Variants in CYP7B1 observed in about 807,000 individuals in gnomAD.
CYP7B1 encodes cytochrome P450 family 7 subfamily B member 1, also known as cytochrome P450 7B1.
In CYP7B1, 29 loss-of-function variants were observed where a neutral mutation model predicts 42.7. The ratio of observed to expected loss-of-function variants is 0.68; its 90% CI spans 0.51 to 0.93. The LOEUF is 0.93. Ranked by LOEUF, CYP7B1 falls within the 40% of genes least tolerant of loss-of-function variation. The pLI is 0.00. For missense variants in CYP7B1, 655 were observed against 600.5 expected, an observed-to-expected ratio of 1.09 and a Z score of -0.95; for synonymous variants, 235 against 218.2, an observed-to-expected ratio of 1.08 and a Z score of -0.68.
chr8:64,677,735 A>G (rs1177058976), intron 1 of CYP7B1, among the ~76,000 whole-genome samples: 1 of 113,890 alleles, frequency 8.8e-6, no homozygotes, highest in Non-Finnish European at 1.7e-5. Context: ...TTTTTTTTAC[A>G]TAGAAATGTA....
intron 1 of CYP7B1, among the ~76,000 whole-genome samples, chr8:64,719,349 A>G (rs1807204038): frequency 6.6e-6 from 1 of 152,208 alleles, no homozygotes; most frequent in African/African-American, 2.4e-5. Flanking sequence ...ATAAATCAGT[A>G]GTGAGTGCAG....
At chr8:64,690,468 G>T (rs1488706359) in intron 1 of CYP7B1, among the ~76,000 whole-genome samples, 17 of 152,148 alleles carry the variant, frequency 1.1e-4, no homozygotes, top group Admixed American at 1.1e-3. Context: ...GGAGGAAGGG[G>T]TGGATAGAGA....
chr8:64,615,556 C>A, intron 3 of CYP7B1, 135 bp downstream of exon 3: 1 of 844,456 alleles, frequency 1.2e-6, no homozygotes, highest in South Asian at 1.6e-5. Context: ...AGGGTTATAT[C>A]AGAGTAAAAC....
At chr8:64,700,125 C>T (rs1201043056) in intron 1 of CYP7B1, among the ~76,000 whole-genome samples, 1 of 152,126 alleles carries the variant, frequency 6.6e-6, no homozygotes, top group Admixed American at 6.6e-5. Context: ...TAGAATTCAC[C>T]ATGCACACAC....
intron 1 of CYP7B1, among the ~76,000 whole-genome samples, chr8:64,644,457 T>C (rs73237790): frequency 0.055 from 8,439 of 152,202 alleles, 846 homozygotes; most frequent in African/African-American, 0.19. Context: ...AGCCATATTC[T>C]TAGGAAATGT....
At chr8:64,773,586 T>C (rs1409483931) in intron 1 of CYP7B1, among the ~76,000 whole-genome samples, 2 of 152,236 alleles carry the variant, frequency 1.3e-5, no homozygotes, top group East Asian at 3.8e-4. Flanking sequence ...CCAAACCTCA[T>C]CTTCTTATAC....
downstream of CYP7B1, among the ~76,000 whole-genome samples, chr8:64,589,336 T>C (rs1805006056): frequency 6.6e-6 from 1 of 152,194 alleles, no homozygotes; most frequent in South Asian, 2.1e-4. Flanking sequence ...AAATAAAAAC[T>C]GTTTGTAACT....
At chr8:64,692,491 G>A (rs575105220) in intron 1 of CYP7B1, among the ~76,000 whole-genome samples, 24 of 152,288 alleles carry the variant, frequency 1.6e-4, no homozygotes, top group South Asian at 1.4e-3. Context: ...AAATGGTCAT[G>A]GACATTTCTC....
chr8:64,630,725 G>C (rs1475217778), intron 1 of CYP7B1, among the ~76,000 whole-genome samples: 2 of 152,202 alleles, frequency 1.3e-5, no homozygotes, highest in Non-Finnish European at 2.9e-5. Flanking sequence ...GCTATGCAAA[G>C]AGCTTTCTCA....
chr8:64,695,695 C>T (rs554714643), intron 1 of CYP7B1, among the ~76,000 whole-genome samples: 86 of 136,528 alleles, frequency 6.3e-4, no homozygotes, highest in African/African-American at 2.2e-3. Context: ...CATATGATAT[C>T]GTGGACAGAC....
chr8:64,623,185 C>T (rs528151384), intron 2 of CYP7B1, among the ~76,000 whole-genome samples: 25 of 152,220 alleles, frequency 1.6e-4, no homozygotes, highest in Non-Finnish European at 3.1e-4. Context: ...TGTGACTCTG[C>T]TACTCCTTCC....
At chr8:64,663,803 C>T (rs1228187538) in intron 1 of CYP7B1, among the ~76,000 whole-genome samples, 1 of 152,208 alleles carries the variant, frequency 6.6e-6, no homozygotes, top group Admixed American at 6.5e-5. Context: ...AATTTCATTT[C>T]TGTCCACTCT....
intron 1 of CYP7B1, among the ~76,000 whole-genome samples, chr8:64,687,472 G>T: frequency 6.6e-6 from 1 of 152,226 alleles, no homozygotes; most frequent in Middle Eastern, 3.4e-3. Flanking sequence ...TGATGAAAAT[G>T]TTCTAAAATG....
In CYP7B1 at chr8:64,798,550, GAAA is replaced by G. The variant is rs1585921414; in HGVS notation, c.35_37del (p.Phe12del). On this transcript the variant is annotated inframe_deletion, in exon 1 of 6. Coordinates refer to ENST00000310193, the MANE Select transcript of CYP7B1 (RefSeq NM_004820.5). The stretch of plus-strand genomic sequence containing the variant: ...GCCCGGGAGGCCCAACCGCTCCAGC[GAAA>G]AGCGGCCCGTGGCCGCGGACACTTC... 4 of 1,494,566 alleles carry G rather than the reference GAAA, an allele frequency of 2.7e-6. No homozygotes were observed. Among genetic ancestry groups the G allele is most frequent in the Non-Finnish European group, 3.5e-6 (4 of 1,131,060 alleles). The allele number at this position is 1,494,566 out of a possible 1,614,324, so 92.6% of individuals were successfully genotyped here.
rs1429360570 is a variant in CYP7B1 at position 64,615,860 on chromosome 8, T to C, written c.681A>G (p.Val227=). The change falls in exon 3 of 6, where the codon GTA becomes GTG. Residue 227 remains valine (V), a synonymous_variant. Coordinates refer to ENST00000310193, the MANE Select transcript of CYP7B1 (RefSeq NM_004820.5). ...LKFDDKFAYL[V]SNIPIELLGN... ...CTAGAAGCTCAATGGGTATGTTGGA[T>C]ACTAAATATGCAAACTTGTCATCAA... is the stretch of plus-strand genomic sequence containing the variant. 5 of 1,613,666 alleles carry C rather than the reference T, an allele frequency of 3.1e-6. No individual in the cohort carries two copies. Among genetic ancestry groups the C allele is most frequent in the Non-Finnish European group, 3.4e-6 (4 of 1,179,788 alleles).
At chr8:64,775,763 GA>G (rs1804314448) in intron 1 of CYP7B1, among the ~76,000 whole-genome samples, 3 of 152,108 alleles carry the variant, frequency 2.0e-5, no homozygotes, top group African/African-American at 7.2e-5. Flanking sequence ...CATTTATGCT[GA>G]AAAGAAGGGT....
chr8:64,636,942 A>C (rs1805782716), intron 1 of CYP7B1, among the ~76,000 whole-genome samples: 1 of 152,214 alleles, frequency 6.6e-6, no homozygotes, highest in Non-Finnish European at 1.5e-5. Flanking sequence ...ATGGGATTTG[A>C]TTGGACTCCA....
In CYP7B1 at chr8:64,640,885, G is replaced by A. The variant is rs537463238; in HGVS notation, c.123-16346C>T. 2.0e-5 allele frequency among the ~76,000 whole-genome samples: 3 copies of A among 152,262 alleles called. No individual in the cohort carries two copies. In the South Asian group the frequency reaches 6.2e-4, roughly 32 times the overall value. ...TTGCACTTGTGATGAGCCCAGAGGT[G>A]ATAATCCTATAAAGTAAATAAGCAT... On this transcript the variant is annotated intron_variant, in intron 1 of 5. Transcript: ENST00000310193.
Position 64,594,706 on chromosome 8 carries a change from G to A in CYP7B1, c.*1936C>T, listed in dbSNP as rs1158508886. On this transcript the variant is annotated 3_prime_UTR_variant, in exon 6 of 6. Transcript: ENST00000310193. ...GAAGGAAAAAACAAACTCAGTGGAT[G>A]AGTTGGAGAGATTAGATATACTGTT... 1.3e-5 allele frequency among the ~76,000 whole-genome samples: 2 copies of A among 152,232 alleles called. No homozygotes were observed. Among genetic ancestry groups the A allele is most frequent in the Non-Finnish European group, 2.9e-5 (2 of 68,038 alleles).
Sources: allele counts gnomAD v4.1 joint callset (sites outside exome capture counted in the v4.1 genomes callset), GRCh38; gene constraint gnomAD v4.1.1; transcripts MANE v1.5; gene names NCBI Gene and HGNC (gene_info 2026-07-23, HGNC 2026-07-21).